The following SLC24A2 variants were observed in gnomAD, a reference collection of about 807,000 sequenced individuals.
SLC24A2 encodes the protein sodium/potassium/calcium exchanger 2.
SLC24A2 carries 36 observed loss-of-function variants against 62.0 expected under a neutral mutation model. That is an observed-to-expected ratio of 0.58 (90% CI 0.44 to 0.77). The LOEUF (loss-of-function observed/expected upper bound fraction) is 0.77, where lower values mean the gene tolerates loss of function less well. Among genes scored for constraint, SLC24A2 ranks in the 30% least tolerant of loss-of-function variants. The probability of loss-of-function intolerance (pLI) is 0.00; values close to 1 mark genes in which losing one functional copy is unlikely to be tolerated. For synonymous variants in SLC24A2, 358 were observed against 294.0 expected, an observed-to-expected ratio of 1.22 and a Z score of -2.23; for missense variants, 846 against 817.9, an observed-to-expected ratio of 1.03 and a Z score of -0.42.
At chr9:19,623,966 A>C (rs1334419515) in intron 2 of SLC24A2, among the ~76,000 whole-genome samples, 1 of 152,232 alleles carries the variant, frequency 6.6e-6, no homozygotes, top group Non-Finnish European at 1.5e-5. Flanking sequence ...AAACGCTAAT[A>C]GGGAAATATC....
intron 2 of SLC24A2, among the ~76,000 whole-genome samples, chr9:19,739,484 TACAA>T (rs986391754): frequency 1.9e-4 from 29 of 152,288 alleles, no homozygotes; most frequent in African/African-American, 6.7e-4. Context: ...CAGAAGGACA[TACAA>T]ACAGAGAAAC....
chr9:20,125,002 C>T, the SLC24A2 span, among the ~76,000 whole-genome samples: 1 of 152,126 alleles, frequency 6.6e-6, no homozygotes, highest in Non-Finnish European at 1.5e-5. Context: ...TCCAGATGCT[C>T]ACTAACAGGC....
intron 2 of SLC24A2, among the ~76,000 whole-genome samples, chr9:19,773,359 T>C (rs879298576): frequency 3.9e-5 from 6 of 152,104 alleles, no homozygotes; most frequent in Non-Finnish European, 7.3e-5. Flanking sequence ...TAGAGAAACA[T>C]TATATAAGGC....
intron 2 of SLC24A2, among the ~76,000 whole-genome samples, chr9:19,646,501 G>A (rs1215872344): frequency 6.6e-6 from 1 of 152,150 alleles, no homozygotes; most frequent in African/African-American, 2.4e-5. Context: ...TGTCAGGCCA[G>A]GTTTGCCTTT....
the SLC24A2 span, among the ~76,000 whole-genome samples, chr9:20,086,413 C>G: frequency 6.6e-6 from 1 of 152,136 alleles, no homozygotes; most frequent in Non-Finnish European, 1.5e-5. Context: ...GCCTCCAAGC[C>G]CTAATGTGTT....
At chr9:19,575,984 CAT>C (rs1303499805) in intron 6 of SLC24A2, among the ~76,000 whole-genome samples, 1 of 152,152 alleles carries the variant, frequency 6.6e-6, no homozygotes, top group African/African-American at 2.4e-5. Context: ...ATATATAACT[CAT>C]AATCCCAGCT....
chr9:19,866,251 C>A, the SLC24A2 span, among the ~76,000 whole-genome samples: 3 of 152,056 alleles, frequency 2.0e-5, no homozygotes, highest in Non-Finnish European at 4.4e-5. Flanking sequence ...ACTGTTGGTG[C>A]GAATGTAAAT....
chr9:20,292,204 C>T, the SLC24A2 span, among the ~76,000 whole-genome samples: 1 of 152,086 alleles, frequency 6.6e-6, no homozygotes, highest in East Asian at 1.9e-4. Flanking sequence ...CCTCTGTCTC[C>T]CAGATAGTTG....
chr9:20,220,768 G>C, the SLC24A2 span, among the ~76,000 whole-genome samples: 1 of 152,150 alleles, frequency 6.6e-6, no homozygotes, highest in Non-Finnish European at 1.5e-5. Context: ...CCAGGATGGA[G>C]TGCTGATTCT....
the SLC24A2 span, among the ~76,000 whole-genome samples, chr9:20,211,301 T>C: frequency 6.6e-6 from 1 of 152,066 alleles, no homozygotes; most frequent in African/African-American, 2.4e-5. Flanking sequence ...TCACCTGAGG[T>C]CAGGAGTTCA....
rs1044069106 is a variant in SLC24A2 at position 19,619,711 on chromosome 9, G to C, written c.970-19C>G. On this transcript the variant is annotated intron_variant, in intron 3 of 10. Coordinates refer to ENST00000341998, the MANE Select transcript of SLC24A2 (RefSeq NM_020344.4). ...GCTTAGCCTGAGCAGAGAAACCAAAGAGATGGTTAGTCTCAGGAATGAAAG... is the reference window on the plus strand; with the variant it reads ...GCTTAGCCTGAGCAGAGAAACCAAACAGATGGTTAGTCTCAGGAATGAAAG... 1.3e-6 allele frequency: 2 copies of C among 1,568,114 alleles called. No homozygotes were observed. Among genetic ancestry groups the C allele is most frequent in the Non-Finnish European group, 1.8e-6 (2 of 1,138,174 alleles).
At chr9:19,842,488 T>C in the SLC24A2 span, among the ~76,000 whole-genome samples, 3 of 152,186 alleles carry the variant, frequency 2.0e-5, no homozygotes, top group Non-Finnish European at 4.4e-5. Flanking sequence ...GCTGTCCCCA[T>C]GGCCAGAATA....
the SLC24A2 span, among the ~76,000 whole-genome samples, chr9:19,979,547 T>C: frequency 7.2e-5 from 11 of 152,168 alleles, no homozygotes; most frequent in Non-Finnish European, 1.2e-4. Flanking sequence ...GGAGTGATCT[T>C]TGCAAATGGA....
At chr9:19,600,259 G>A (rs186097953) in intron 4 of SLC24A2, among the ~76,000 whole-genome samples, 2 of 152,320 alleles carry the variant, frequency 1.3e-5, no homozygotes, top group East Asian at 3.9e-4. Flanking sequence ...TTGCTTTCAT[G>A]CCACCGTGGT....
chr9:20,289,315 A>G, the SLC24A2 span, among the ~76,000 whole-genome samples: 1 of 152,194 alleles, frequency 6.6e-6, no homozygotes. Flanking sequence ...CATTTCACCA[A>G]TAAATTATTG....
chr9:19,899,882 C>T, the SLC24A2 span, among the ~76,000 whole-genome samples: 3 of 152,224 alleles, frequency 2.0e-5, no homozygotes, highest in Admixed American at 6.5e-5. Flanking sequence ...CCCCATGATT[C>T]GATTACCTCC....
At chr9:19,925,270 G>A in the SLC24A2 span, among the ~76,000 whole-genome samples, 1 of 152,132 alleles carries the variant, frequency 6.6e-6, no homozygotes, top group Non-Finnish European at 1.5e-5. Context: ...AGAGGAACCT[G>A]GAGAAAGCAC....
intron 2 of SLC24A2, among the ~76,000 whole-genome samples, chr9:19,700,622 C>G (rs1820328902): frequency 6.6e-6 from 1 of 152,082 alleles, no homozygotes; most frequent in South Asian, 2.1e-4. Flanking sequence ...TAAGCACTTT[C>G]CTTTAGGGCA....
chr9:20,103,754 C>G, the SLC24A2 span, among the ~76,000 whole-genome samples: 81 of 151,952 alleles, frequency 5.3e-4, no homozygotes, highest in Non-Finnish European at 4.4e-5. Flanking sequence ...GGGGAAAAAA[C>G]AGAACAGAAA....
Sources: allele counts gnomAD v4.1 joint callset (sites outside exome capture counted in the v4.1 genomes callset), GRCh38; gene constraint gnomAD v4.1.1; transcripts MANE v1.5; gene names NCBI Gene and HGNC (gene_info 2026-07-23, HGNC 2026-07-21).